The following RANBP17 variants were observed in gnomAD, a reference collection of about 807,000 sequenced individuals.
RANBP17 encodes ran-binding protein 17.
Under a neutral mutation model 141.2 loss-of-function variants are expected in RANBP17, and 158 were observed. That is an observed-to-expected ratio of 1.12 (90% CI 0.98 to 1.28). The LOEUF (loss-of-function observed/expected upper bound fraction) is 1.28. Among genes scored for constraint, RANBP17 ranks in the 50% most tolerant of loss-of-function variants. The probability of loss-of-function intolerance (pLI) is 0.00; values close to 1 mark genes in which losing one functional copy is unlikely to be tolerated. For synonymous variants in RANBP17, 430 were observed against 450.0 expected (o/e 0.96, Z 0.56); for missense variants, 1,438 against 1,290.7 (o/e 1.11, Z -1.75).
At chr5:171,197,648 C>G (rs571068529) in intron 18 of RANBP17, among the ~76,000 whole-genome samples, 1 of 152,294 alleles carries the variant, frequency 6.6e-6, no homozygotes, top group Admixed American at 6.5e-5. Flanking sequence ...TAACCCTGAT[C>G]AGATGGTAGT....
intron 14 of RANBP17, among the ~76,000 whole-genome samples, chr5:170,978,070 A>C (rs1777510679): frequency 6.6e-6 from 1 of 152,112 alleles, no homozygotes; most frequent in Admixed American, 6.5e-5. Flanking sequence ...GCACTGAAAA[A>C]AGGTATCTAA....
At chr5:170,917,184 A>C (rs1014236364) in intron 9 of RANBP17, among the ~76,000 whole-genome samples, 1 of 152,160 alleles carries the variant, frequency 6.6e-6, no homozygotes. Context: ...GCTTGCTCTT[A>C]AACTACTGAA....
chr5:170,929,125 T>C (rs186959182), intron 12 of RANBP17, among the ~76,000 whole-genome samples: 1 of 152,244 alleles, frequency 6.6e-6, no homozygotes. Context: ...TTATTAGTTC[T>C]AATAACTATT....
At chr5:171,097,622 T>TATTATC (rs1786790931) in intron 14 of RANBP17, among the ~76,000 whole-genome samples, 1 of 146,568 alleles carries the variant, frequency 6.8e-6, no homozygotes, top group Non-Finnish European at 1.5e-5. Context: ...TTATTATTAT[T>TATTATC]ATTATTATTA....
chr5:170,892,089 A>G (rs1375282701), intron 3 of RANBP17, among the ~76,000 whole-genome samples: 2 of 151,654 alleles, frequency 1.3e-5, no homozygotes, highest in Non-Finnish European at 2.9e-5. Context: ...TGTTTTTTGT[A>G]ACAAATACTG....
chr5:170,929,502 G>A (rs1773173923), intron 12 of RANBP17, among the ~76,000 whole-genome samples: 2 of 151,984 alleles, frequency 1.3e-5, no homozygotes, highest in African/African-American at 2.4e-5. Flanking sequence ...TTTATTTTAC[G>A]AATGTAGTGA....
chr5:171,039,802 A>G (rs1413122548), intron 14 of RANBP17, among the ~76,000 whole-genome samples: 1 of 152,164 alleles, frequency 6.6e-6, no homozygotes, highest in East Asian at 1.9e-4. Flanking sequence ...CCTGGAAACA[A>G]AACCTTCCAA....
intron 5 of RANBP17, among the ~76,000 whole-genome samples, chr5:170,908,280 G>T (rs1771232972): frequency 6.6e-6 from 1 of 151,900 alleles, no homozygotes; most frequent in African/African-American, 2.4e-5. Flanking sequence ...GGTACCCATT[G>T]ACGGTGGATT....
At chr5:170,949,174 C>T (rs1775007828) in intron 12 of RANBP17, among the ~76,000 whole-genome samples, 1 of 152,058 alleles carries the variant, frequency 6.6e-6, no homozygotes, top group South Asian at 2.1e-4. Flanking sequence ...TTAGATATGA[C>T]ACCTGAAGCA....
chr5:171,188,702 T>C (rs1258663409), intron 18 of RANBP17, among the ~76,000 whole-genome samples: 1 of 152,194 alleles, frequency 6.6e-6, no homozygotes, highest in Non-Finnish European at 1.5e-5. Context: ...TGGGTTAACA[T>C]TTCCTTTTTG....
At chr5:170,994,451 T>A (rs1047646663) in intron 14 of RANBP17, among the ~76,000 whole-genome samples, 7 of 152,096 alleles carry the variant, frequency 4.6e-5, no homozygotes, top group Non-Finnish European at 1.0e-4. Flanking sequence ...GGTAAGATTA[T>A]CATTGCTGGA....
chr5:171,285,010 T>G (rs1768075928), intron 25 of RANBP17, among the ~76,000 whole-genome samples: 1 of 152,190 alleles, frequency 6.6e-6, no homozygotes, highest in Non-Finnish European at 1.5e-5. Flanking sequence ...CCCAGTCTTC[T>G]ACTCCTTGCC....
chr5:171,088,545 T>C (rs1311175978), intron 14 of RANBP17, among the ~76,000 whole-genome samples: 13 of 152,228 alleles, frequency 8.5e-5, no homozygotes, highest in Non-Finnish European at 7.3e-5. Flanking sequence ...CTGGATAATA[T>C]CCTGCAGAGT....
At chr5:171,034,115 A>G (rs1042027999) in intron 14 of RANBP17, among the ~76,000 whole-genome samples, 2 of 152,214 alleles carry the variant, frequency 1.3e-5, no homozygotes, top group African/African-American at 2.4e-5. Context: ...TCTCTAAAAA[A>G]TAATAATAAA....
intron 14 of RANBP17, among the ~76,000 whole-genome samples, chr5:171,113,540 T>C (rs1339346299): frequency 2.6e-5 from 4 of 152,202 alleles, no homozygotes. Flanking sequence ...GCTCTTGAAA[T>C]AAATTATTTA....
intron 20 of RANBP17, among the ~76,000 whole-genome samples, chr5:171,208,347 T>C (rs2127965597): frequency 6.6e-6 from 1 of 152,342 alleles, no homozygotes; most frequent in African/African-American, 2.4e-5. Context: ...ACCATCTTGA[T>C]AAATGGTTTC....
intron 22 of RANBP17, among the ~76,000 whole-genome samples, chr5:171,236,650 G>C (rs1046049449): frequency 2.6e-5 from 4 of 152,004 alleles, no homozygotes; most frequent in African/African-American, 9.7e-5. Context: ...AAAAAACTGA[G>C]CCCCAAGTAC....
chr5:171,026,255 T>C (rs1040431932), intron 14 of RANBP17, among the ~76,000 whole-genome samples: 3 of 152,202 alleles, frequency 2.0e-5, no homozygotes, highest in Admixed American at 1.3e-4. Context: ...ATTTTAACCC[T>C]TACAACACCC....
At chr5:171,220,474 A>G in intron 21 of RANBP17, among the ~76,000 whole-genome samples, 1 of 121,854 alleles carries the variant, frequency 8.2e-6, no homozygotes, top group African/African-American at 3.2e-5. Flanking sequence ...TTTGAGACAG[A>G]GTCTCACCTT....
Sources: gnomAD v4.1 joint callset for allele counts (sites outside exome capture counted in the v4.1 genomes callset) on GRCh38, gnomAD v4.1.1 for gene constraint, MANE v1.5 for transcripts, NCBI Gene and HGNC (gene_info 2026-07-23, HGNC 2026-07-21) for gene names.